Variants in NWD2 observed in about 807,000 individuals in gnomAD.
NWD2 encodes the protein NACHT and WD repeat domain-containing protein 2.
Under a neutral mutation model 132.7 loss-of-function variants are expected in NWD2, and 37 were observed. The observed-to-expected ratio is 0.28, with a 90% CI of 0.21 to 0.37. The LOEUF is 0.37. Ranked by LOEUF, NWD2 falls within the 10% of genes least tolerant of loss-of-function variation. NWD2 has a pLI of 1.00. For missense variants in NWD2, 1,592 were observed against 2,122.4 expected (o/e 0.75, Z 4.91); for synonymous variants, 705 against 803.0 (o/e 0.88, Z 2.06).
chr4:37,324,455 A>G (rs180962668), intron 1 of NWD2, among the ~76,000 whole-genome samples: 22 of 152,166 alleles, frequency 1.4e-4, no homozygotes, highest in Admixed American at 1.4e-3. Context: ...TTTATTGAAT[A>G]TTATAGGCTT....
At chr4:37,245,549 C>CTT (rs34994440) in intron 1 of NWD2, among the ~76,000 whole-genome samples, 3 of 145,552 alleles carry the variant, frequency 2.1e-5, no homozygotes, top group African/African-American at 7.6e-5. Context: ...GTCCCCCGCC[C>CTT]TTTTTTTTTT....
At chr4:37,411,678 CA>C (rs1355115515) in intron 3 of NWD2, among the ~76,000 whole-genome samples, 1 of 151,916 alleles carries the variant, frequency 6.6e-6, no homozygotes, top group Non-Finnish European at 1.5e-5. Flanking sequence ...AGAGACACAA[CA>C]AAAAAAGAAA....
intron 3 of NWD2, among the ~76,000 whole-genome samples, chr4:37,420,407 C>T (rs141308144): frequency 0.018 from 2,744 of 152,314 alleles, 33 homozygotes; most frequent in Middle Eastern, 0.054. Context: ...AGGCACAGGC[C>T]GGGCATGGTG....
chr4:37,405,486 G>C (rs1485236307), intron 3 of NWD2, among the ~76,000 whole-genome samples: 2 of 118,772 alleles, frequency 1.7e-5, no homozygotes, highest in East Asian at 5.2e-4. Context: ...GAATAGAATA[G>C]AATAGAAAAC....
intron 1 of NWD2, among the ~76,000 whole-genome samples, chr4:37,304,555 TG>T (rs141212957): frequency 0.15 from 23,529 of 152,134 alleles, 2,336 homozygotes; most frequent in South Asian, 0.33. Flanking sequence ...TGGGATACAG[TG>T]GGGGTACAGG....
intron 3 of NWD2, among the ~76,000 whole-genome samples, chr4:37,416,591 T>C (rs1711607002): frequency 6.6e-6 from 1 of 152,092 alleles, no homozygotes; most frequent in South Asian, 2.1e-4. Context: ...GATCCAGCAA[T>C]GCCACTCTTG....
chr4:37,431,017 G>A (rs1477984972), intron 4 of NWD2, among the ~76,000 whole-genome samples: 1 of 152,154 alleles, frequency 6.6e-6, no homozygotes, highest in Non-Finnish European at 1.5e-5. Flanking sequence ...AAAGATAATA[G>A]GAGTTGGAGA....
At chr4:37,416,722 A>G (rs1035915879) in intron 3 of NWD2, among the ~76,000 whole-genome samples, 2 of 152,208 alleles carry the variant, frequency 1.3e-5, no homozygotes, top group Admixed American at 6.5e-5. Context: ...TCAATCAACA[A>G]GTGGATAAAA....
intron 3 of NWD2, among the ~76,000 whole-genome samples, chr4:37,388,345 G>A (rs984690017): frequency 1.3e-5 from 2 of 151,692 alleles, no homozygotes; most frequent in African/African-American, 4.8e-5. Flanking sequence ...CACCATGCCT[G>A]GCTAATTTTT....
chr4:37,379,843 CG>C (rs1720418178), intron 3 of NWD2, among the ~76,000 whole-genome samples: 2 of 152,174 alleles, frequency 1.3e-5, no homozygotes, highest in Non-Finnish European at 2.9e-5. Flanking sequence ...CCATCCCACC[CG>C]CAGAGGCCCT....
In NWD2 at chr4:37,445,637, A is replaced by G. The variant is rs757712800; in HGVS notation, c.3649A>G (p.Thr1217Ala). ...AGCCCTCAGCATTGAGCTCTTAGAT[A>G]CTGGTCTGTGGAAGGTGGCTGAAAA... ...CKALSIELLD[T>A]GLWKVAEKFR... The change falls in exon 7 of 7, where the codon ACT becomes GCT. Residue 1217 changes from threonine to alanine, a missense_variant. Physicochemically the swap from Thr to Ala is moderately conservative, Grantham distance 58. Transcript: ENST00000309447. The surrounding 1 kb of genome is among the most constrained non-coding windows in gnomAD (Gnocchi z 4.7). 1.9e-6 allele frequency: 3 copies of G among 1,552,236 alleles called. No homozygotes were observed. Among genetic ancestry groups the G allele is most frequent in the Non-Finnish European group, 8.7e-7 (1 of 1,147,116 alleles).
intron 3 of NWD2, among the ~76,000 whole-genome samples, chr4:37,409,132 G>A (rs531642455): frequency 6.6e-6 from 1 of 152,176 alleles, no homozygotes; most frequent in South Asian, 2.1e-4. Flanking sequence ...TTGCCAGCAA[G>A]GGAACAAAAC....
In NWD2 at chr4:37,255,008, G is replaced by A. The variant is rs537852033; in HGVS notation, c.151+9790G>A. Among the ~76,000 whole-genome samples the A allele has an allele frequency of 1.8e-4, 28 of 152,250 alleles. No homozygotes were observed. In the South Asian group the frequency reaches 3.7e-3, roughly 20 times the overall value. ...AGTGTCATTCAAAGAGTTTCTTGCC[G>A]CAGAACGTCTCCTTCAGGTTTTATT... On this transcript the variant is annotated intron_variant, in intron 1 of 6. Transcript: ENST00000309447.
At chr4:37,268,053 G>A (rs1166318746) in intron 1 of NWD2, among the ~76,000 whole-genome samples, 1 of 151,760 alleles carries the variant, frequency 6.6e-6, no homozygotes, top group Non-Finnish European at 1.5e-5. Context: ...ATTTGTATTT[G>A]GAAGACAATT....
chr4:37,269,553 C>A (rs922368259), intron 1 of NWD2, among the ~76,000 whole-genome samples: 7 of 151,858 alleles, frequency 4.6e-5, no homozygotes, highest in African/African-American at 1.7e-4. Context: ...ATTTCTCTCA[C>A]CGTTGATAGT....
chr4:37,370,621 C>G (rs1236826431), intron 3 of NWD2, among the ~76,000 whole-genome samples: 1 of 152,086 alleles, frequency 6.6e-6, no homozygotes, highest in Non-Finnish European at 1.5e-5. Flanking sequence ...CCTGATTAAC[C>G]AACAGCAGGG....
At chr4:37,378,621 GTTTT>G (rs766197754) in intron 3 of NWD2, among the ~76,000 whole-genome samples, 1 of 152,112 alleles carries the variant, frequency 6.6e-6, no homozygotes, top group Non-Finnish European at 1.5e-5. Context: ...TGAATGGTTT[GTTTT>G]TTATTTTTTT....
intron 3 of NWD2, among the ~76,000 whole-genome samples, chr4:37,393,872 T>C (rs1202141830): frequency 1.3e-5 from 2 of 152,134 alleles, no homozygotes; most frequent in South Asian, 4.2e-4. Flanking sequence ...AGGCTGGGAG[T>C]ACAAGGCTAT....
intron 1 of NWD2, among the ~76,000 whole-genome samples, chr4:37,260,277 C>T (rs558356660): frequency 6.6e-6 from 1 of 152,242 alleles, no homozygotes; most frequent in East Asian, 1.9e-4. Context: ...AGCTCTGTGA[C>T]CATGGGCATT....
Sources: allele counts gnomAD v4.1 joint callset (sites outside exome capture counted in the v4.1 genomes callset), GRCh38; gene constraint gnomAD v4.1.1; non-coding constraint Gnocchi (gnomAD v3.1); transcripts MANE v1.5; gene names NCBI Gene and HGNC (gene_info 2026-07-23, HGNC 2026-07-21).